The following CNTN1 variants were observed in gnomAD, a reference collection of about 807,000 sequenced individuals.
CNTN1 encodes contactin-1.
In CNTN1, 38 loss-of-function variants were observed where a neutral mutation model predicts 126.4. The ratio of observed to expected loss-of-function variants is 0.30; its 90% CI spans 0.23 to 0.39. The LOEUF is 0.39. Among genes scored for constraint, CNTN1 ranks in the 10% least tolerant of loss-of-function variants. The probability of loss-of-function intolerance (pLI) is 1.00; values close to 1 mark genes in which losing one functional copy is unlikely to be tolerated. For synonymous variants in CNTN1, 413 were observed against 422.6 expected (o/e 0.98, Z 0.28); for missense variants, 1,009 against 1,248.4 (o/e 0.81, Z 2.89).
intron 1 of CNTN1, among the ~76,000 whole-genome samples, chr12:40,836,092 ATATATATACGTACATATACAGG>A (rs951661981): frequency 2.9e-5 from 3 of 104,822 alleles, no homozygotes; most frequent in African/African-American, 1.0e-4. Context: ...ATATACAGGT[ATATATATACGTACATATACAGG>A]TATATATATA....
In CNTN1 at chr12:40,975,178, TTATATATATATATATATATATATA is replaced by T. The variant is rs58939653; in HGVS notation, c.1805-5709_1805-5686del. 7.4e-3 allele frequency among the ~76,000 whole-genome samples: 360 copies of T among 48,674 alleles called. 1 individual carries two copies. The highest frequency in any genetic ancestry group is 0.024 in the African/African-American group (342 of 14,276). The allele number at this position is 48,674 out of a possible 152,430, so 31.9% of individuals were successfully genotyped here. The stretch of plus-strand genomic sequence containing the variant: ...CTTCGGTGTCCTTTTGTAAAATGGA[TTATATATATATATATATATATATA>T]TATATATATATATATATATATGTTT... On this transcript the variant is annotated intron_variant, in intron 15 of 23. Transcript: ENST00000551295.
intron 1 of CNTN1, chr12:40,828,435 G>C (rs1394727948): frequency 6.6e-6 from 1 of 152,128 alleles, no homozygotes; most frequent in East Asian, 1.9e-4. Flanking sequence ...ACTCTCAATT[G>C]TTACGTTAAA....
Position 41,070,753 on chromosome 12 carries a change from A to G in CNTN1, c.*718A>G, listed in dbSNP as rs201489149. On this transcript the variant is annotated 3_prime_UTR_variant, in exon 24 of 24. Transcript: ENST00000551295. ...TAACATACCATATAGATTTTTTTTTACTTTTATATTCTACTCTGAAGTTAT... is the reference window on the plus strand; with the variant it reads ...TAACATACCATATAGATTTTTTTTTGCTTTTATATTCTACTCTGAAGTTAT... 1 of 150,292 alleles carries G rather than the reference A, an allele frequency of 6.7e-6. No homozygotes were observed. The highest frequency in any genetic ancestry group is 1.5e-5 in the Non-Finnish European group (1 of 67,742). The allele number at this position is 150,292 out of a possible 1,614,324, so 9.3% of individuals were successfully genotyped here.
At chr12:40,936,195 C>T (rs1946075013) in intron 9 of CNTN1, among the ~76,000 whole-genome samples, 1 of 152,030 alleles carries the variant, frequency 6.6e-6, no homozygotes, top group Non-Finnish European at 1.5e-5. Flanking sequence ...AAGAATGAGA[C>T]TGAGATCAAT....
chr12:40,763,410 T>C (rs568927133), intron 1 of CNTN1, among the ~76,000 whole-genome samples: 2 of 152,320 alleles, frequency 1.3e-5, no homozygotes, highest in East Asian at 3.9e-4. Flanking sequence ...GGTTAAGTAA[T>C]ATATTTATTA....
intron 1 of CNTN1, among the ~76,000 whole-genome samples, chr12:40,749,520 T>G (rs752826182): frequency 4.6e-5 from 7 of 152,120 alleles, no homozygotes; most frequent in Non-Finnish European, 1.0e-4. Flanking sequence ...ATATTTTTTT[T>G]GTTAATAACC....
chr12:40,943,963 T>C (rs1158954616), intron 13 of CNTN1, 32 bp from the exon 14 acceptor site: 1 of 1,595,348 alleles, frequency 6.3e-7, no homozygotes, highest in Non-Finnish European at 8.6e-7. Flanking sequence ...TTATATCTTC[T>C]TGAATTGTGC....
chr12:40,752,729 C>CA (rs1230516894), intron 1 of CNTN1, among the ~76,000 whole-genome samples: 1 of 151,806 alleles, frequency 6.6e-6, no homozygotes, highest in East Asian at 1.9e-4. Flanking sequence ...AAGTTAAAGA[C>CA]AAAAACATTT....
intron 15 of CNTN1, chr12:40,971,782 G>T: frequency 8.3e-7 from 1 of 1,205,412 alleles, no homozygotes; most frequent in Non-Finnish European, 1.0e-6. Context: ...GTGTTTTCAT[G>T]TCCTGTTTTT....
At chr12:40,779,939 ACTAAAT>A (rs1341820821) in intron 1 of CNTN1, among the ~76,000 whole-genome samples, 1 of 151,936 alleles carries the variant, frequency 6.6e-6, no homozygotes, top group African/African-American at 2.4e-5. Flanking sequence ...ACATTGGAAG[ACTAAAT>A]CTCCCCAAAC....
At chr12:40,767,514 T>A (rs1939155893) in intron 1 of CNTN1, among the ~76,000 whole-genome samples, 1 of 152,058 alleles carries the variant, frequency 6.6e-6, no homozygotes, top group Admixed American at 6.5e-5. Flanking sequence ...TTCACCGTGT[T>A]AGCCAGGATG....
chr12:40,814,527 A>T lies in CNTN1; in HGVS notation c.-76-93830A>T, dbSNP rs146938483. ...TTGTAGATGTGTGCTGTTATTTCTG[A>T]GGTCTCTATTCTGCTCCATTGGTCT... On this transcript the variant is annotated intron_variant, in intron 1 of 23. Transcript: ENST00000551295. Among the ~76,000 whole-genome samples the T allele has an allele frequency of 5.9e-5, 9 of 152,190 alleles. No individual in the cohort carries two copies. In the East Asian group the frequency reaches 1.7e-3, roughly 29 times the overall value.
intron 1 of CNTN1, among the ~76,000 whole-genome samples, chr12:40,844,069 A>ATTTTTTTTTTTGTTTTTTTTTTTTT (rs1942398787): frequency 1.2e-5 from 1 of 84,684 alleles, no homozygotes; most frequent in Non-Finnish European, 2.3e-5. Flanking sequence ...TGGCACAATG[A>ATTTTTTTTTTTGTTTTTTTTTTTTT]TTTTTTTTTT....
intron 1 of CNTN1, among the ~76,000 whole-genome samples, chr12:40,887,216 C>T (rs982896602): frequency 6.6e-6 from 1 of 151,964 alleles, no homozygotes; most frequent in African/African-American, 2.4e-5. Context: ...AATGTTCTTC[C>T]ATTTGTTTGT....
intron 2 of CNTN1, 60 bp from the exon 3 acceptor site, chr12:40,910,013 T>C: frequency 7.6e-7 from 1 of 1,314,116 alleles, no homozygotes; most frequent in Non-Finnish European, 1.1e-6. Context: ...TAAGTAATGT[T>C]TGAAACCACA....
intron 1 of CNTN1, among the ~76,000 whole-genome samples, chr12:40,808,488 A>C (rs1940942957): frequency 6.6e-6 from 1 of 152,204 alleles, no homozygotes; most frequent in Admixed American, 6.5e-5. Context: ...TACAGATAAA[A>C]TAGGTGTAAA....
chr12:41,014,163 A>T (rs1948728300), intron 17 of CNTN1, 65 bp from the exon 18 acceptor site: 1 of 1,482,758 alleles, frequency 6.7e-7, no homozygotes, highest in African/African-American at 1.4e-5. Context: ...GAATTCTAAC[A>T]CCAGGAAAAA....
chr12:41,043,552 G>A (rs1010794494), intron 23 of CNTN1, among the ~76,000 whole-genome samples: 1 of 152,116 alleles, frequency 6.6e-6, no homozygotes, highest in Non-Finnish European at 1.5e-5. Flanking sequence ...CTGTTGGTGG[G>A]ACTGTAAACT....
chr12:41,068,689 C>T (rs1217507510), intron 23 of CNTN1, among the ~76,000 whole-genome samples: 3 of 152,096 alleles, frequency 2.0e-5, no homozygotes, highest in East Asian at 1.9e-4. Context: ...TTTATGGTCA[C>T]TTTTAATGTG....
Sources: allele counts gnomAD v4.1 joint callset (sites outside exome capture counted in the v4.1 genomes callset), GRCh38; gene constraint gnomAD v4.1.1; transcripts MANE v1.5; gene names NCBI Gene and HGNC (gene_info 2026-07-23, HGNC 2026-07-21).